Variants in AKAP13 observed in about 807,000 individuals in gnomAD.
The protein encoded by AKAP13 is A-kinase anchor protein 13.
Under a neutral mutation model 264.5 loss-of-function variants are expected in AKAP13, and 80 were observed. That is an observed-to-expected ratio of 0.30 (90% CI 0.25 to 0.36). The LOEUF is 0.36. Among genes scored for constraint, AKAP13 ranks in the 10% least tolerant of loss-of-function variants. AKAP13 has a pLI of 1.00. For synonymous variants in AKAP13, 1,380 were observed against 1,250.2 expected, an observed-to-expected ratio of 1.10 and a Z score of -2.19; for missense variants, 3,712 against 3,435.2, an observed-to-expected ratio of 1.08 and a Z score of -2.01.
chr15:85,631,590 C>G (rs928742400), intron 8 of AKAP13, among the ~76,000 whole-genome samples: 4 of 150,186 alleles, frequency 2.7e-5, no homozygotes, highest in African/African-American at 9.9e-5. Flanking sequence ...GATCCTGGAA[C>G]AGAAAGAGAA....
At chr15:85,604,803 G>T (rs1479551990) in intron 8 of AKAP13, among the ~76,000 whole-genome samples, 1 of 151,996 alleles carries the variant, frequency 6.6e-6, no homozygotes, top group Non-Finnish European at 1.5e-5. Flanking sequence ...AGAGTTAGAT[G>T]CATAGAGCCA....
intron 8 of AKAP13, among the ~76,000 whole-genome samples, chr15:85,633,369 G>C (rs1188257115): frequency 4.5e-5 from 2 of 44,408 alleles, no homozygotes; most frequent in Non-Finnish European, 8.5e-5. Context: ...TAATAGGGGC[G>C]GGGGGGGAGT....
chr15:85,448,128 T>C (rs894226047), intron 1 of AKAP13, among the ~76,000 whole-genome samples: 2 of 152,212 alleles, frequency 1.3e-5, no homozygotes, highest in East Asian at 1.9e-4. Flanking sequence ...ATCACTGATA[T>C]TGAGCTTTTT....
chr15:85,720,610 TTTCCCCAAAGATGCAGA>T (rs1441075937), intron 23 of AKAP13, among the ~76,000 whole-genome samples: 6 of 152,200 alleles, frequency 3.9e-5, no homozygotes, highest in African/African-American at 1.4e-4. Flanking sequence ...TGACTAGGTA[TTTCCCCAAAGATGCAGA>T]TTCCCCAAAG....
chr15:85,567,168 T>A (rs2078634784), intron 5 of AKAP13, among the ~76,000 whole-genome samples: 1 of 152,144 alleles, frequency 6.6e-6, no homozygotes, highest in African/African-American at 2.4e-5. Context: ...AGTGCAATGG[T>A]GTGATCTCGG....
intron 1 of AKAP13, among the ~76,000 whole-genome samples, chr15:85,443,327 G>A (rs920443818): frequency 7.9e-5 from 12 of 152,262 alleles, no homozygotes; most frequent in African/African-American, 2.9e-4. Context: ...AAGTGAGAGA[G>A]CTTAGAGTTT....
Position 85,580,682 on chromosome 15 carries a change from C to T in AKAP13, c.2614C>T (p.His872Tyr). Residue 872 changes from histidine to tyrosine, a missense_variant, in exon 7 of 37, where the codon CAT becomes TAT. Physicochemically the swap from His to Tyr is moderately conservative, Grantham distance 83. Around this residue, in one of 3 missense-constraint regions of AKAP13, gnomAD observed 2,759 missense variants for 2,411.7 expected, o/e 1.14. Transcript: ENST00000394518. Reference sequence around the variant, plus strand: ...CAGTCTCACAGGACTTGGTGGAGAGCATGAGGGTCCCGCCCCTCCAGCAAT... The same window carrying T: ...CAGTCTCACAGGACTTGGTGGAGAGTATGAGGGTCCCGCCCCTCCAGCAAT... ...NTSLTGLGGE[H>Y]EGPAPPAIPE... The T allele has an allele frequency of 6.2e-7, 1 of 1,614,168 alleles. No individual in the cohort carries two copies. The highest frequency in any genetic ancestry group is 1.3e-5 in the African/African-American group (1 of 75,048).
chr15:85,578,340 A>G (rs2151304256), intron 6 of AKAP13, among the ~76,000 whole-genome samples: 1 of 152,236 alleles, frequency 6.6e-6, no homozygotes, highest in South Asian at 2.1e-4. Context: ...CAGGTTTTTG[A>G]GACTCTTTTA....
intron 2 of AKAP13, among the ~76,000 whole-genome samples, chr15:85,516,145 C>T (rs567537984): frequency 6.6e-6 from 1 of 152,292 alleles, no homozygotes; most frequent in East Asian, 1.9e-4. Flanking sequence ...GCAGGTTTCT[C>T]AGTGAATAAA....
intron 8 of AKAP13, among the ~76,000 whole-genome samples, chr15:85,631,104 T>G (rs909324752): frequency 1.2e-4 from 19 of 152,062 alleles, no homozygotes; most frequent in African/African-American, 4.1e-4. Flanking sequence ...ATAAAAGAAG[T>G]AAAGTACTGT....
Position 85,550,213 on chromosome 15 carries a change from C to T in AKAP13, c.662+6258C>T, listed in dbSNP as rs530567684. ...TACAGACGTGAGCCACTGCACCTGG[C>T]CATCTCTGTTTTATAATTGAGGAAA... is the stretch of plus-strand genomic sequence containing the variant. On this transcript the variant is annotated intron_variant, in intron 5 of 36. Coordinates refer to ENST00000394518, the MANE Select transcript of AKAP13 (RefSeq NM_007200.5). Among the ~76,000 whole-genome samples, 4 of 152,260 alleles carry T rather than the reference C, an allele frequency of 2.6e-5. No homozygotes were observed. The East Asian group carries it at 5.8e-4, about 22-fold the overall frequency.
chr15:85,574,249 G>T (rs982076993), intron 5 of AKAP13, among the ~76,000 whole-genome samples: 1 of 152,200 alleles, frequency 6.6e-6, no homozygotes, highest in African/African-American at 2.4e-5. Flanking sequence ...GTATGATTGT[G>T]TGCCTCATCC....
intron 14 of AKAP13, among the ~76,000 whole-genome samples, chr15:85,674,769 A>C (rs1466340667): frequency 1.3e-5 from 2 of 152,078 alleles, no homozygotes; most frequent in East Asian, 3.9e-4. Context: ...AGGATATTTT[A>C]TCTCTGTTTT....
At chr15:85,628,300 G>A (rs1255973843) in intron 8 of AKAP13, among the ~76,000 whole-genome samples, 2 of 152,104 alleles carry the variant, frequency 1.3e-5, no homozygotes, top group African/African-American at 4.8e-5. Context: ...ACCTTAACCT[G>A]GTTTCTTGCC....
chr15:85,650,654 G>A (rs1021624100), intron 10 of AKAP13, among the ~76,000 whole-genome samples: 7 of 147,078 alleles, frequency 4.8e-5, no homozygotes, highest in Non-Finnish European at 1.0e-4. Context: ...TACTCAGGAG[G>A]CTGAGGCAGG....
At chr15:85,670,823 G>A (rs1353792690) in intron 14 of AKAP13, 1 of 152,160 alleles carries the variant, frequency 6.6e-6, no homozygotes, top group African/African-American at 2.4e-5. Context: ...TGCGGATTCA[G>A]ATCAACTGGT....
At position 85,743,834 on chromosome 15, in the gene AKAP13, C is replaced by A; in HGVS notation, c.8392+9C>A. On this transcript the variant is annotated intron_variant, in intron 36 of 36. Coordinates refer to ENST00000394518, the MANE Select transcript of AKAP13 (RefSeq NM_007200.5). ...CCGCTCTCAGCCCGGTGGTGAGTCA[C>A]GCACACCTGCTCTCCCTGTGGCCAT... The A allele has an allele frequency of 2.5e-6, 4 of 1,600,622 alleles. No individual in the cohort carries two copies. The highest frequency in any genetic ancestry group is 3.4e-6 in the Non-Finnish European group (4 of 1,174,280).
chr15:85,526,710 C>G (rs942230719), intron 3 of AKAP13, among the ~76,000 whole-genome samples: 6 of 152,202 alleles, frequency 3.9e-5, no homozygotes, highest in African/African-American at 1.4e-4. Context: ...CCCCCATCCC[C>G]CAGCCTGGCC....
At chr15:85,713,829 A>G (rs1311977166) in intron 19 of AKAP13, among the ~76,000 whole-genome samples, 2 of 152,136 alleles carry the variant, frequency 1.3e-5, no homozygotes, top group African/African-American at 4.8e-5. Flanking sequence ...ATGGACAGAT[A>G]ATGCAACCTG....
Sources: allele counts gnomAD v4.1 joint callset (sites outside exome capture counted in the v4.1 genomes callset), GRCh38; gene constraint gnomAD v4.1.1; regional missense constraint gnomAD v4.1.1; transcripts MANE v1.5; gene names NCBI Gene and HGNC (gene_info 2026-07-23, HGNC 2026-07-21).